Variants in ADGRL2 observed in about 807,000 individuals in gnomAD.
ADGRL2 encodes the protein adhesion G protein-coupled receptor L2.
A neutral mutation model predicts 157.4 loss-of-function variants in ADGRL2; 44 were observed. That is an observed-to-expected ratio of 0.28 (90% CI 0.22 to 0.36). ADGRL2 has a LOEUF of 0.36. Among genes scored for constraint, ADGRL2 ranks in the 10% least tolerant of loss-of-function variants. The pLI is 1.00. For synonymous variants in ADGRL2, 585 were observed against 624.7 expected, an observed-to-expected ratio of 0.94 and a Z score of 0.95; for missense variants, 1,510 against 1,768.9, an observed-to-expected ratio of 0.85 and a Z score of 2.63.
intron 2 of ADGRL2, among the ~76,000 whole-genome samples, chr1:81,493,224 TA>T (rs1474495640): frequency 1.3e-5 from 2 of 152,274 alleles, no homozygotes; most frequent in Non-Finnish European, 2.9e-5. Context: ...ACAGTAAAAC[TA>T]AATGCAATAG....
At chr1:81,653,936 TTC>T (rs2082476372) in intron 3 of ADGRL2, among the ~76,000 whole-genome samples, 1 of 152,052 alleles carries the variant, frequency 6.6e-6, no homozygotes, top group African/African-American at 2.4e-5. Context: ...CTTTCTTTCT[TTC>T]TTTCTTCCTT....
At chr1:81,776,205 T>C (rs1327763987) in intron 2 of ADGRL2, among the ~76,000 whole-genome samples, 1 of 151,842 alleles carries the variant, frequency 6.6e-6, no homozygotes, top group African/African-American at 2.4e-5. Context: ...TTTTTTTTTT[T>C]TGAGATGGAG....
chr1:81,754,488 C>A (rs1436963278), intron 1 of ADGRL2, among the ~76,000 whole-genome samples: 1 of 135,068 alleles, frequency 7.4e-6, no homozygotes, highest in Admixed American at 7.6e-5. Context: ...CTCCCCTTTC[C>A]TTCCTTCTTT....
At chr1:81,430,208 T>C (rs2077295521) in intron 1 of ADGRL2, among the ~76,000 whole-genome samples, 1 of 152,122 alleles carries the variant, frequency 6.6e-6, no homozygotes, top group African/African-American at 2.4e-5. Context: ...CTTTATATTG[T>C]AATGGGGGAA....
At chr1:81,392,200 C>T (rs1449708524) in intron 1 of ADGRL2, among the ~76,000 whole-genome samples, 1 of 143,386 alleles carries the variant, frequency 7.0e-6, no homozygotes, top group Non-Finnish European at 1.5e-5. Flanking sequence ...ATATATGCCT[C>T]TCACACTTCC....
At chr1:81,335,832 T>A (rs1661598553) in intron 1 of ADGRL2, among the ~76,000 whole-genome samples, 1 of 124,450 alleles carries the variant, frequency 8.0e-6, no homozygotes. Context: ...CTATATAGTG[T>A]TTAAAAAAAA....
chr1:81,990,668 T>C lies in ADGRL2; in HGVS notation c.3933T>C (p.Ile1311=), dbSNP rs1664434106. 1 of 1,614,028 alleles carries C rather than the reference T, an allele frequency of 6.2e-7. No homozygotes were observed. Among genetic ancestry groups the C allele is most frequent in the Non-Finnish European group, 8.5e-7 (1 of 1,180,032 alleles). ...GTAGCAGCAGTGAAGATGATGCTAT[T>C]GTGGCAGATGCTTCATCTTTAATGC... ...IGGSSSEDDA[I]VADASSLMHS... Residue 1311 remains isoleucine, a synonymous_variant, in exon 24 of 24, where the codon ATT becomes ATC. Transcript: ENST00000686636.
chr1:81,829,976 C>T (rs1196830669), intron 1 of ADGRL2, among the ~76,000 whole-genome samples: 2 of 152,118 alleles, frequency 1.3e-5, no homozygotes, highest in Non-Finnish European at 2.9e-5. Flanking sequence ...TCTAGGTACA[C>T]GTCTCAAGGA....
intron 2 of ADGRL2, among the ~76,000 whole-genome samples, chr1:81,534,810 A>G (rs1401227478): frequency 6.6e-6 from 1 of 152,220 alleles, no homozygotes; most frequent in Non-Finnish European, 1.5e-5. Context: ...GTCTGAGACT[A>G]TTTGGTGGCT....
At chr1:81,805,534 G>C (rs1415694077) in intron 1 of ADGRL2, among the ~76,000 whole-genome samples, 1 of 151,734 alleles carries the variant, frequency 6.6e-6, no homozygotes, top group Non-Finnish European at 1.5e-5. Context: ...AACAATTTCA[G>C]AGGGGAAAAA....
chr1:81,492,577 T>C (rs566809820), intron 2 of ADGRL2, among the ~76,000 whole-genome samples: 2 of 152,302 alleles, frequency 1.3e-5, no homozygotes, highest in East Asian at 1.9e-4. Context: ...TACAGTACTA[T>C]GTGTTTCTAA....
intron 1 of ADGRL2, among the ~76,000 whole-genome samples, chr1:81,820,663 A>G (rs1165657064): frequency 6.6e-6 from 1 of 152,008 alleles, no homozygotes; most frequent in Non-Finnish European, 1.5e-5. Context: ...ATCAGTAGCA[A>G]GCTGACTGGT....
At chr1:81,716,776 G>A (rs563111960) in intron 1 of ADGRL2, among the ~76,000 whole-genome samples, 2 of 152,202 alleles carry the variant, frequency 1.3e-5, no homozygotes, top group East Asian at 3.9e-4. Context: ...ATGGACAGAA[G>A]GTAAATTACA....
chr1:81,679,977 G>C (rs1570812877), intron 3 of ADGRL2, among the ~76,000 whole-genome samples: 1 of 152,154 alleles, frequency 6.6e-6, no homozygotes, highest in Non-Finnish European at 1.5e-5. Context: ...TTATAAGGAG[G>C]CTTTCAGGCA....
At chr1:81,728,607 C>T (rs1276854108) in intron 1 of ADGRL2, among the ~76,000 whole-genome samples, 1 of 152,032 alleles carries the variant, frequency 6.6e-6, no homozygotes, top group East Asian at 1.9e-4. Context: ...GCAAATAAAC[C>T]AACATTGGGA....
At chr1:81,761,664 A>G (rs2085886199) in intron 1 of ADGRL2, 1 of 151,612 alleles carries the variant, frequency 6.6e-6, no homozygotes, top group African/African-American at 2.4e-5. Flanking sequence ...GTCATATAAT[A>G]TATGTTCAAG....
intron 2 of ADGRL2, among the ~76,000 whole-genome samples, chr1:81,519,612 T>A (rs1379984659): frequency 6.6e-6 from 1 of 152,212 alleles, no homozygotes; most frequent in Non-Finnish European, 1.5e-5. Context: ...TGATAATAAC[T>A]ATTGTATATT....
At chr1:81,697,220 G>T (rs2083463279), upstream of ADGRL2, among the ~76,000 whole-genome samples, 2 of 152,072 alleles carry the variant, frequency 1.3e-5, no homozygotes, top group South Asian at 4.2e-4. Context: ...ATTTTTGAAA[G>T]TTGCATAAGC....
At chr1:81,892,684 A>G (rs944878595) in intron 2 of ADGRL2, among the ~76,000 whole-genome samples, 3 of 152,194 alleles carry the variant, frequency 2.0e-5, no homozygotes, top group Non-Finnish European at 2.9e-5. Context: ...AGGGTGTTGT[A>G]TAGATATTTA....
Sources: gnomAD v4.1 joint callset for allele counts (sites outside exome capture counted in the v4.1 genomes callset) on GRCh38, gnomAD v4.1.1 for gene constraint, MANE v1.5 for transcripts, NCBI Gene and HGNC (gene_info 2026-07-23, HGNC 2026-07-21) for gene names.